MICAL3: variants seen among roughly 807,000 people sequenced by gnomAD.
MICAL3 encodes the protein microtubule associated monooxygenase, calponin and LIM domain containing 3, also known as [F-actin]-monooxygenase MICAL3.
A neutral mutation model predicts 207.4 loss-of-function variants in MICAL3; 62 were observed. The observed-to-expected ratio is 0.30, with a 90% CI of 0.24 to 0.37. MICAL3 has a LOEUF of 0.37. MICAL3 is among the 10% of genes least tolerant of loss of function. The pLI is 1.00. For synonymous variants in MICAL3, 1,077 were observed against 1,069.3 expected, an observed-to-expected ratio of 1.01 and a Z score of -0.14; for missense variants, 2,368 against 2,635.6, an observed-to-expected ratio of 0.90 and a Z score of 2.22.
At chr22:17,865,694 G>C (rs1927032939) in intron 18 of MICAL3, among the ~76,000 whole-genome samples, 1 of 152,250 alleles carries the variant, frequency 6.6e-6, no homozygotes, top group South Asian at 2.1e-4. Flanking sequence ...ATCATCTCCT[G>C]GGTCCGACTC....
In MICAL3 at chr22:17,861,927, GT is replaced by G. The variant is rs1465894136; in HGVS notation, c.2605+2971del. ...GCAGGTTGTAATTGGGTGTGGGTGT[GT>G]TTTTTTGTTTTTGTTTTGGCAACAG... On this transcript the variant is annotated intron_variant, in intron 19 of 31. Transcript: ENST00000441493. The G allele has an allele frequency of 4.1e-6, 4 of 985,312 alleles. No individual in the cohort carries two copies. In the African/African-American group the frequency reaches 5.2e-5, roughly 13 times the overall value. 61.0% of individuals were successfully genotyped at this position (985,312 alleles called of 1,614,324 possible).
intron 19 of MICAL3, chr22:17,842,284 G>C: frequency 1.9e-6 from 1 of 516,548 alleles, no homozygotes; most frequent in Middle Eastern, 5.2e-4. Flanking sequence ...CCCCCAGAGG[G>C]GAGACGCAGT....
intron 23 of MICAL3, among the ~76,000 whole-genome samples, chr22:17,822,646 C>T (rs969079754): frequency 3.3e-5 from 5 of 152,312 alleles, no homozygotes; most frequent in Admixed American, 2.0e-4. Context: ...AACCAGACTG[C>T]GATGCAGAAC....
At chr22:17,871,616 T>C (rs1927731362) in intron 17 of MICAL3, among the ~76,000 whole-genome samples, 1 of 152,168 alleles carries the variant, frequency 6.6e-6, no homozygotes, top group African/African-American at 2.4e-5. Flanking sequence ...CTTAGGTAAA[T>C]GCATGCCATT....
intron 20 of MICAL3, among the ~76,000 whole-genome samples, chr22:17,837,331 G>T (rs914617922): frequency 6.6e-6 from 1 of 152,220 alleles, no homozygotes; most frequent in Admixed American, 6.5e-5. Flanking sequence ...TCTCACTTTC[G>T]TGTTATTCTG....
intron 1 of MICAL3, among the ~76,000 whole-genome samples, chr22:17,989,664 A>G (rs393719): frequency 0.59 from 89,546 of 151,968 alleles, 26,868 homozygotes; most frequent in Middle Eastern, 0.77. Context: ...GTAGGCCCAC[A>G]GAAGTCAACA....
chr22:17,904,573 T>C, intron 3 of MICAL3, 59 bp downstream of exon 3: 8 of 1,293,728 alleles, frequency 6.2e-6, no homozygotes, highest in Non-Finnish European at 9.0e-6. Context: ...TGTCTCTTTC[T>C]ACTGAACAAG....
intron 22 of MICAL3, among the ~76,000 whole-genome samples, chr22:17,823,984 C>T (rs940290460): frequency 6.6e-6 from 1 of 152,156 alleles, no homozygotes; most frequent in Admixed American, 6.5e-5. Context: ...GCTGAAGGTA[C>T]GTAAAGTTCA....
chr22:17,828,359 G>T (rs1426555251), intron 21 of MICAL3, among the ~76,000 whole-genome samples: 1 of 152,256 alleles, frequency 6.6e-6, no homozygotes, highest in Non-Finnish European at 1.5e-5. Context: ...GATAGACTTT[G>T]CTGGCACTTC....
chr22:17,847,210 G>A (rs1012783997), intron 19 of MICAL3, among the ~76,000 whole-genome samples: 57 of 152,208 alleles, frequency 3.7e-4, no homozygotes, highest in African/African-American at 1.3e-3. Flanking sequence ...GCTCCGCGCC[G>A]CTGAGAAGGG....
chr22:17,820,531 T>C (rs1057449988), intron 25 of MICAL3, among the ~76,000 whole-genome samples: 9 of 152,274 alleles, frequency 5.9e-5, no homozygotes, highest in African/African-American at 1.9e-4. Context: ...ATTTTTTGTA[T>C]TGTTAGTAGA....
At chr22:17,920,525 C>T (rs371718100) in intron 1 of MICAL3, among the ~76,000 whole-genome samples, 10 of 152,310 alleles carry the variant, frequency 6.6e-5, no homozygotes, top group South Asian at 2.1e-4. Context: ...TCCTGGAACC[C>T]GCCCTCCCCT....
intron 27 of MICAL3, chr22:17,814,873 C>G (rs113201548): frequency 5.0e-5 from 7 of 140,030 alleles, no homozygotes; most frequent in Admixed American, 7.0e-5. Context: ...CGACTGTCCC[C>G]TAGGTCATCC....
At chr22:17,965,337 C>T (rs1440335310) in intron 1 of MICAL3, among the ~76,000 whole-genome samples, 1 of 152,138 alleles carries the variant, frequency 6.6e-6, no homozygotes, top group Non-Finnish European at 1.5e-5. Flanking sequence ...CACAAGGGTG[C>T]CTATAATTTC....
chr22:17,805,083 G>A (rs750790556), intron 29 of MICAL3, among the ~76,000 whole-genome samples: 11 of 152,200 alleles, frequency 7.2e-5, no homozygotes, highest in South Asian at 4.1e-4. Flanking sequence ...AAAGTCTGAC[G>A]CCCTCAGACG....
intron 1 of MICAL3, among the ~76,000 whole-genome samples, chr22:17,951,972 C>T (rs1328986569): frequency 6.6e-6 from 1 of 152,214 alleles, no homozygotes; most frequent in Non-Finnish European, 1.5e-5. Flanking sequence ...GCTGGGATTA[C>T]AGGCGTGAGC....
At chr22:18,018,170 A>G (rs405649) in intron 1 of MICAL3, among the ~76,000 whole-genome samples, 103,010 of 152,070 alleles carry the variant, frequency 0.68, 36,307 homozygotes, top group African/African-American at 0.88. Context: ...CACTGCGCCC[A>G]GCCGATAGAA....
chr22:17,963,678 C>A (rs1935021087), intron 1 of MICAL3, among the ~76,000 whole-genome samples: 1 of 152,158 alleles, frequency 6.6e-6, no homozygotes, highest in Admixed American at 6.5e-5. Flanking sequence ...GGAGTCACCA[C>A]AAACTTCGCA....
At chr22:17,861,832 C>G (rs1926545089) in intron 19 of MICAL3, 1 of 985,290 alleles carries the variant, frequency 1.0e-6, no homozygotes, top group Admixed American at 6.1e-5. Flanking sequence ...CTAAATTAGG[C>G]AGCAGGTACA....
Sources: allele counts gnomAD v4.1 joint callset (sites outside exome capture counted in the v4.1 genomes callset), GRCh38; gene constraint gnomAD v4.1.1; transcripts MANE v1.5; gene names NCBI Gene and HGNC (gene_info 2026-07-23, HGNC 2026-07-21).